HMG20A: variants seen among roughly 807,000 people sequenced by gnomAD.
HMG20A encodes the protein high mobility group protein 20A.
Under a neutral mutation model 43.9 loss-of-function variants are expected in HMG20A, and 17 were observed. The observed-to-expected ratio is 0.39, with a 90% confidence interval of 0.27 to 0.58. The LOEUF (loss-of-function observed/expected upper bound fraction) is 0.58. Among genes scored for constraint, HMG20A ranks in the 20% least tolerant of loss-of-function variants. HMG20A has a pLI of 0.59. For missense variants in HMG20A, 341 were observed against 438.2 expected (o/e 0.78, Z 1.98); for synonymous variants, 132 against 147.5 (o/e 0.89, Z 0.76).
At chr15:77,511,505 A>G in the HMG20A span, among the ~76,000 whole-genome samples, 1 of 152,240 alleles carries the variant, frequency 6.6e-6, no homozygotes, top group Non-Finnish European at 1.5e-5. Context: ...AAGTGCTCAA[A>G]GAATGATGGG....
intron 5 of HMG20A, among the ~76,000 whole-genome samples, 189 bp downstream of exon 5, chr15:77,471,231 G>T (rs2072805545): frequency 1.3e-5 from 2 of 151,520 alleles, no homozygotes; most frequent in East Asian, 3.9e-4. Flanking sequence ...ATTTCAACTG[G>T]GTTTCCGTGT....
intron 1 of HMG20A, among the ~76,000 whole-genome samples, chr15:77,457,185 A>G (rs187632551): frequency 3.3e-5 from 5 of 152,236 alleles, no homozygotes; most frequent in Non-Finnish European, 1.5e-5. Context: ...AAATCACTCC[A>G]TTGAACATGG....
chr15:77,422,540 C>T (rs1042545716), intron 1 of HMG20A, among the ~76,000 whole-genome samples: 3 of 152,048 alleles, frequency 2.0e-5, no homozygotes, highest in Admixed American at 6.6e-5. Flanking sequence ...TGCTTGAACC[C>T]GGGAGGCGGA....
chr15:77,453,230 A>G (rs114766267), intron 1 of HMG20A, among the ~76,000 whole-genome samples: 2,512 of 151,238 alleles, frequency 0.017, 77 homozygotes, highest in African/African-American at 0.059. Flanking sequence ...TACTCTATCT[A>G]AAAAATAATA....
chr15:77,431,021 A>G (rs1430265667), intron 1 of HMG20A, among the ~76,000 whole-genome samples: 1 of 152,184 alleles, frequency 6.6e-6, no homozygotes, highest in African/African-American at 2.4e-5. Context: ...AAGGAGTACC[A>G]CACTTTCATT....
At chr15:77,455,682 A>C (rs1234753516) in intron 1 of HMG20A, among the ~76,000 whole-genome samples, 1 of 152,206 alleles carries the variant, frequency 6.6e-6, no homozygotes, top group African/African-American at 2.4e-5. Flanking sequence ...TTACTCATTT[A>C]GAGCAGCATT....
chr15:77,441,113 A>T (rs1216054395), intron 1 of HMG20A, among the ~76,000 whole-genome samples: 1 of 152,156 alleles, frequency 6.6e-6, no homozygotes, highest in Non-Finnish European at 1.5e-5. Context: ...TCTTGAGATA[A>T]CTTCTATATA....
the HMG20A span, among the ~76,000 whole-genome samples, chr15:77,506,878 C>T: frequency 1.3e-5 from 2 of 152,336 alleles, no homozygotes; most frequent in Admixed American, 1.3e-4. Context: ...GGTCGGCCAG[C>T]GCCTCCACAC....
At chr15:77,422,444 C>G (rs560405789) in intron 1 of HMG20A, among the ~76,000 whole-genome samples, 1 of 152,016 alleles carries the variant, frequency 6.6e-6, no homozygotes, top group Non-Finnish European at 1.5e-5. Flanking sequence ...GGTGAAACCC[C>G]GTCTCTACTA....
At chr15:77,445,421 T>C (rs1183529850) in intron 1 of HMG20A, among the ~76,000 whole-genome samples, 1 of 152,208 alleles carries the variant, frequency 6.6e-6, no homozygotes, top group African/African-American at 2.4e-5. Flanking sequence ...TTCCCCTTTA[T>C]CCATGGGGGT....
At chr15:77,444,379 G>A (rs1047665624) in intron 1 of HMG20A, among the ~76,000 whole-genome samples, 5 of 152,140 alleles carry the variant, frequency 3.3e-5, no homozygotes, top group African/African-American at 1.2e-4. Flanking sequence ...TGGGCTAAGT[G>A]AACCCTTGAA....
intron 1 of HMG20A, among the ~76,000 whole-genome samples, chr15:77,428,508 A>G (rs2073449606): frequency 6.6e-6 from 1 of 152,246 alleles, no homozygotes; most frequent in African/African-American, 2.4e-5. Flanking sequence ...AAAAAAGGAG[A>G]GATTCCTTCA....
Position 77,478,526 on chromosome 15 carries a change from T to C in HMG20A, c.907+16T>C. ...CCCTTGCCTGGTAAGTCCTCCTGCC[T>C]GAGAACTGTCAGTGACAGGGGTGTG... On this transcript the variant is annotated intron_variant, in intron 8 of 9. Coordinates refer to ENST00000336216, the MANE Select transcript of HMG20A (RefSeq NM_001304504.2). 1 of 1,600,300 alleles carries C rather than the reference T, an allele frequency of 6.2e-7. No individual in the cohort carries two copies. The highest frequency in any genetic ancestry group is 8.5e-7 in the Non-Finnish European group (1 of 1,174,294).
At chr15:77,480,244 C>G (rs1348242942) in intron 9 of HMG20A, among the ~76,000 whole-genome samples, 1 of 151,988 alleles carries the variant, frequency 6.6e-6, no homozygotes, top group Non-Finnish European at 1.5e-5. Flanking sequence ...CTGCAGTGAG[C>G]CATTATCAGA....
intron 1 of HMG20A, among the ~76,000 whole-genome samples, chr15:77,421,404 T>C (rs987797182): frequency 6.6e-6 from 1 of 152,186 alleles, no homozygotes; most frequent in African/African-American, 2.4e-5. Flanking sequence ...ATATGGAGCA[T>C]TTCCTCCCCA....
chr15:77,425,799 C>T (rs934439240), intron 1 of HMG20A, among the ~76,000 whole-genome samples: 2 of 152,152 alleles, frequency 1.3e-5, no homozygotes, highest in East Asian at 3.8e-4. Context: ...TCCAAGAGAA[C>T]TTAAAACATG....
chr15:77,515,683 G>A, the HMG20A span, among the ~76,000 whole-genome samples: 22 of 152,316 alleles, frequency 1.4e-4, no homozygotes, highest in South Asian at 2.1e-4. Context: ...GGGTGATCAC[G>A]AAGTGAATTC....
intron 9 of HMG20A, chr15:77,482,759 A>G (rs372402159): frequency 4.6e-5 from 7 of 152,088 alleles, no homozygotes; most frequent in African/African-American, 1.7e-4. Context: ...TCTCATTGAA[A>G]TGTTATGTAA....
intron 7 of HMG20A, 32 bp from the exon 8 acceptor site, chr15:77,478,263 C>A (rs533407762): frequency 1.2e-6 from 2 of 1,605,910 alleles, no homozygotes; most frequent in South Asian, 2.2e-5. Flanking sequence ...CCTTCTAGTG[C>A]TGCATGTGTT....
Sources: gnomAD v4.1 joint callset for allele counts (sites outside exome capture counted in the v4.1 genomes callset) on GRCh38, gnomAD v4.1.1 for gene constraint, MANE v1.5 for transcripts, NCBI Gene and HGNC (gene_info 2026-07-23, HGNC 2026-07-21) for gene names.